PCDH20: variants seen among roughly 807,000 people sequenced by gnomAD.
PCDH20 encodes the protein protocadherin-20.
Under a neutral mutation model 39.7 loss-of-function variants are expected in PCDH20, and 18 were observed. The observed-to-expected ratio is 0.45, with a 90% CI of 0.31 to 0.67. The LOEUF (loss-of-function observed/expected upper bound fraction) is 0.67. PCDH20 is among the 30% of genes least tolerant of loss of function. The probability of loss-of-function intolerance (pLI) is 0.05; values close to 1 mark genes in which losing one functional copy is unlikely to be tolerated. For missense variants in PCDH20, 1,161 were observed against 1,167.4 expected (o/e 0.99, Z 0.08); for synonymous variants, 495 against 455.4 (o/e 1.09, Z -1.11).
At chr13:61,411,946 C>A (rs1458376175) in exon 2 of PCDH20, 4 of 1,613,918 alleles carry the variant, frequency 2.5e-6, no homozygotes. Flanking sequence ...GGCAGGCTCA[C>A]CCCCATCAAC....
exon 2 of PCDH20, chr13:61,413,796 C>T (rs1414450608): frequency 6.2e-7 from 1 of 1,613,216 alleles, no homozygotes; most frequent in Non-Finnish European, 8.5e-7. Context: ...GCTGCGACTG[C>T]GGGTCCGGCC....
At chr13:61,411,106 T>C in exon 2 of PCDH20, 2 of 759,086 alleles carry the variant, frequency 2.6e-6, no homozygotes, top group Non-Finnish European at 4.2e-6. Context: ...TAAAAACCTG[T>C]AAACAGCTAT....
exon 2 of PCDH20, chr13:61,413,604 G>C (rs772976211): frequency 6.2e-7 from 1 of 1,614,114 alleles, no homozygotes; most frequent in East Asian, 2.2e-5. Context: ...AGATGGAAAC[G>C]CTGCCGCTCC....
At chr13:61,411,433 G>C (rs1878243525) in exon 2 of PCDH20, 1 of 1,613,902 alleles carries the variant, frequency 6.2e-7, no homozygotes, top group African/African-American at 1.3e-5. Flanking sequence ...AGCTACTAAG[G>C]TGGGCATACA....
At position 61,411,268 on chromosome 13, in the gene PCDH20, T is replaced by A. The variant is rs200470408; in HGVS notation, c.2831A>T (p.Lys944Met). Residue 944 changes from lysine (K) to methionine (M), a missense_variant, in exon 2 of 2, where the codon AAG becomes ATG. Physicochemically the swap from Lys to Met is moderately conservative, Grantham distance 95. Around this residue, in one of 3 missense-constraint regions of PCDH20, gnomAD observed 754 missense variants for 777.5 expected, o/e 0.97. Coordinates refer to ENST00000409204, the Ensembl canonical transcript of PCDH20. ...TCAAATATTAGAAATATCCATTGGC[T>A]TTCTCTCTCGCATATGCAAGTCAAT... 7.5e-5 allele frequency: 121 copies of A among 1,613,130 alleles called. No homozygotes were observed. The highest frequency in any genetic ancestry group is 4.9e-4 in the Middle Eastern group (3 of 6,082).
At chr13:61,412,401 C>G (rs766069481) in exon 2 of PCDH20, 4 of 1,614,176 alleles carry the variant, frequency 2.5e-6, no homozygotes, top group Non-Finnish European at 3.4e-6. Flanking sequence ...CTTGGCCTCT[C>G]TCCTCGCTGT....
At chr13:61,414,648 C>G (rs1871495373) in intron 1 of PCDH20, among the ~76,000 whole-genome samples, 1 of 152,166 alleles carries the variant, frequency 6.6e-6, no homozygotes, top group African/African-American at 2.4e-5. Context: ...ATCCCCCTCC[C>G]TTAGGGGGAA....
chr13:61,413,504 T>C (rs758897549), exon 2 of PCDH20: 2 of 1,613,650 alleles, frequency 1.2e-6, no homozygotes, highest in Non-Finnish European at 1.7e-6. Flanking sequence ...ATGTCTCTGA[T>C]GGCGATCTTC....
At chr13:61,409,928 A>G (rs1878211732) in exon 2 of PCDH20, 1 of 152,092 alleles carries the variant, frequency 6.6e-6, no homozygotes, top group Non-Finnish European at 1.5e-5. Context: ...CATGATGCCA[A>G]AAAGTAAAAT....
exon 2 of PCDH20, chr13:61,411,522 T>C (rs1390411542): frequency 3.1e-6 from 5 of 1,614,220 alleles, no homozygotes; most frequent in Admixed American, 3.3e-5. Context: ...TCTCTGGTTC[T>C]TTTCTTAAAA....
chr13:61,409,977 T>A (rs1450552231), exon 2 of PCDH20: 3 of 152,136 alleles, frequency 2.0e-5, no homozygotes, highest in Non-Finnish European at 4.4e-5. Flanking sequence ...TTTATACAGA[T>A]TATTTTGCTA....
At chr13:61,412,170 G>A in exon 2 of PCDH20, 13 of 1,614,148 alleles carry the variant, frequency 8.1e-6, no homozygotes, top group Middle Eastern at 1.6e-4. Context: ...AAAAGCTGAA[G>A]TCCTTGTTGA....
In PCDH20 at chr13:61,413,924, G is replaced by A. The variant is rs1871479517; in HGVS notation, c.175C>T (p.Leu59Phe). Residue 59 changes from leucine (L) to phenylalanine (F), a missense_variant, in exon 2 of 2, where the codon CTC (leucine) becomes TTC (phenylalanine). Leu to Phe is a conservative substitution (Grantham distance 22, BLOSUM62 0). Coordinates refer to ENST00000409204, the Ensembl canonical transcript of PCDH20. ...TCGGTGGCCCGGCTGTAACTCCCGAGGCAGCTGAAGGGTCCCACGAAGAGG... is the reference window on the plus strand; with the variant it reads ...TCGGTGGCCCGGCTGTAACTCCCGAAGCAGCTGAAGGGTCCCACGAAGAGG... The A allele has an allele frequency of 2.5e-6, 4 of 1,612,784 alleles. No homozygotes were observed. In the African/African-American group the frequency reaches 4.0e-5, roughly 16 times the overall value.
chr13:61,410,698 GTAA>G (rs901269952), exon 2 of PCDH20: 3 of 152,548 alleles, frequency 2.0e-5, no homozygotes, highest in African/African-American at 7.3e-5. Flanking sequence ...CACTTATGAG[GTAA>G]TAAACATTCT....
At chr13:61,415,239 G>T in exon 1 of PCDH20, 1 of 1,280,172 alleles carries the variant, frequency 7.8e-7, no homozygotes. Flanking sequence ...AAATCGCTGG[G>T]GGAACTTCAG....
chr13:61,415,236 T>C (rs1237008244), exon 1 of PCDH20: 3 of 1,284,374 alleles, frequency 2.3e-6, no homozygotes, highest in Non-Finnish European at 3.0e-6. Context: ...TGCAAATCGC[T>C]GGGGGAACTT....
At position 61,413,527 on chromosome 13, in the gene PCDH20, C is replaced by T. The variant is rs781385979; in HGVS notation, c.572G>A (p.Arg191Lys). 5.6e-6 allele frequency: 9 copies of T among 1,613,824 alleles called. No individual in the cohort carries two copies. In the East Asian group the frequency reaches 1.3e-4, roughly 24 times the overall value. Residue 191 changes from arginine (R) to lysine (K), a missense_variant, in exon 2 of 2, where the codon AGG becomes AAG. Transcript: ENST00000409204. The stretch of plus-strand genomic sequence containing the variant: ...GATGGCGATCTTCACCTTCACAAAC[C>T]TGAAGTATTCCTGAGGCAGGACAAG...
At position 61,411,305 on chromosome 13, in the gene PCDH20, G is replaced by T. The variant is rs750875106; in HGVS notation, c.2794C>A (p.Leu932Met). 35 of 1,613,758 alleles carry T rather than the reference G, an allele frequency of 2.2e-5. No homozygotes were observed. In the Middle Eastern group the frequency reaches 2.1e-3, roughly 99 times the overall value. Residue 932 changes from leucine to methionine, a missense_variant, in exon 2 of 2, where the codon CTG becomes ATG. Physicochemically the swap from Leu to Met is conservative, Grantham distance 15. Transcript: ENST00000409204. ...ATATGCAAGTCAATTTTTCCTTTCA[G>T]TGGAATCTGTACTTCCAAATTTTCA... is the stretch of plus-strand genomic sequence containing the variant.
At chr13:61,413,095 A>G (rs1197836378) in exon 2 of PCDH20, 1 of 1,614,086 alleles carries the variant, frequency 6.2e-7, no homozygotes, top group Non-Finnish European at 8.5e-7. Flanking sequence ...TGGGGTGCCC[A>G]CTGTAGCATT....
Sources: gnomAD v4.1 joint callset for allele counts (sites outside exome capture counted in the v4.1 genomes callset) on GRCh38, gnomAD v4.1.1 for gene constraint, gnomAD v4.1.1 regional missense constraint, MANE v1.5 for transcripts, NCBI Gene and HGNC (gene_info 2026-07-23, HGNC 2026-07-21) for gene names.